The following KATNAL1 variants were observed in gnomAD, a reference collection of about 807,000 sequenced individuals.
KATNAL1 encodes katanin catalytic subunit A1 like 1, also known as katanin p60 ATPase-containing subunit A-like 1.
A neutral mutation model predicts 55.2 loss-of-function variants in KATNAL1; 32 were observed. The ratio of observed to expected loss-of-function variants is 0.58; its 90% confidence interval spans 0.44 to 0.78. The LOEUF (loss-of-function observed/expected upper bound fraction) is 0.78. KATNAL1 is among the 30% of genes least tolerant of loss of function. The pLI, the probability that KATNAL1 is intolerant of heterozygous loss-of-function variation, is 0.00. For missense variants in KATNAL1, 466 were observed against 600.9 expected, an observed-to-expected ratio of 0.78 and a Z score of 2.35; for synonymous variants, 193 against 193.6, an observed-to-expected ratio of 1.00 and a Z score of 0.02.
intron 4 of KATNAL1, among the ~76,000 whole-genome samples, chr13:30,244,751 T>TA (rs1877616187): frequency 6.6e-6 from 1 of 152,004 alleles, no homozygotes. Flanking sequence ...CAAACTACCA[T>TA]CAGAGAATAC....
intron 1 of KATNAL1, among the ~76,000 whole-genome samples, chr13:30,290,726 A>C (rs1882079426): frequency 6.6e-6 from 1 of 152,166 alleles, no homozygotes; most frequent in Non-Finnish European, 1.5e-5. Flanking sequence ...CAATATGTAA[A>C]ATAGATAATG....
At chr13:30,247,560 T>C (rs551322964) in intron 4 of KATNAL1, among the ~76,000 whole-genome samples, 1 of 152,226 alleles carries the variant, frequency 6.6e-6, no homozygotes, top group South Asian at 2.1e-4. Context: ...AAGTAAAATA[T>C]ATAGTAAAAC....
At chr13:30,277,922 G>T (rs536252335) in intron 3 of KATNAL1, among the ~76,000 whole-genome samples, 1 of 141,030 alleles carries the variant, frequency 7.1e-6, no homozygotes, top group East Asian at 2.1e-4. Flanking sequence ...GGCGGAGCTT[G>T]CAGTGAGCCG....
At chr13:30,215,012 A>G (rs1254800930) in intron 9 of KATNAL1, among the ~76,000 whole-genome samples, 3 of 152,000 alleles carry the variant, frequency 2.0e-5, no homozygotes. Flanking sequence ...GAAAATTTTC[A>G]CAACCTACTC....
intron 1 of KATNAL1, among the ~76,000 whole-genome samples, chr13:30,304,461 G>C (rs184746069): frequency 8.6e-5 from 13 of 151,916 alleles, no homozygotes; most frequent in Non-Finnish European, 1.3e-4. Context: ...GGAGAAACGA[G>C]GTTTCACCAT....
chr13:30,248,832 G>A (rs1048360875), intron 4 of KATNAL1, among the ~76,000 whole-genome samples: 3 of 152,134 alleles, frequency 2.0e-5, no homozygotes, highest in African/African-American at 7.2e-5. Context: ...GGCCGAGACG[G>A]GTGGATCACG....
chr13:30,235,144 C>G (rs1370412832), intron 6 of KATNAL1, among the ~76,000 whole-genome samples: 1 of 152,188 alleles, frequency 6.6e-6, no homozygotes, highest in East Asian at 1.9e-4. Context: ...GTGTATTTCT[C>G]TCAGTCCATT....
In KATNAL1 at chr13:30,204,213, T is replaced by C. The variant is rs1443394974; in HGVS notation, c.*4327A>G. On this transcript the variant is annotated 3_prime_UTR_variant, in exon 11 of 11. Coordinates refer to ENST00000380615, the MANE Select transcript of KATNAL1 (RefSeq NM_032116.5). ...GATTTTTTCCTCATACAAGTTAAGG[T>C]GGCCTTTTCTTGGAAAAGGCCAGCA... The C allele has an allele frequency of 2.6e-5, 4 of 152,172 alleles. No individual in the cohort carries two copies. Among genetic ancestry groups the C allele is most frequent in the Non-Finnish European group, 4.4e-5 (3 of 68,018 alleles). 9.4% of individuals were successfully genotyped at this position (152,172 alleles called of 1,614,324 possible).
intron 1 of KATNAL1, among the ~76,000 whole-genome samples, chr13:30,291,339 A>C (rs558866455): frequency 6.6e-6 from 1 of 152,358 alleles, no homozygotes; most frequent in South Asian, 2.1e-4. Flanking sequence ...AAAATATTAA[A>C]TATTCAGGGA....
intron 1 of KATNAL1, among the ~76,000 whole-genome samples, chr13:30,304,053 T>G (rs1285587979): frequency 6.6e-6 from 1 of 152,170 alleles, no homozygotes; most frequent in Non-Finnish European, 1.5e-5. Flanking sequence ...CAAAATCAAA[T>G]AAATAGTATT....
Position 30,210,386 on chromosome 13 carries a change from C to T in KATNAL1, c.1204G>A (p.Asp402Asn). 1 of 1,608,236 alleles carries T rather than the reference C, an allele frequency of 6.2e-7. No homozygotes were observed. The highest frequency in any genetic ancestry group is 8.5e-7 in the Non-Finnish European group (1 of 1,177,536). ...TCGGCTATATCTTCCAGTTGAATATCAGGATCTAATTCGACCTCACGAAGG... is the reference window on the plus strand; with the variant it reads ...TCGGCTATATCTTCCAGTTGAATATTAGGATCTAATTCGACCTCACGAAGG... The part of the protein sequence containing the change: ...INLREVELDP[D>N]IQLEDIAEKI... Residue 402 changes from aspartate (D) to asparagine (N), a missense_variant, in exon 10 of 11, where the codon GAT (aspartate) becomes AAT (asparagine). Transcript: ENST00000380615.
intron 9 of KATNAL1, among the ~76,000 whole-genome samples, chr13:30,220,392 T>C (rs541693808): frequency 6.6e-6 from 1 of 151,116 alleles, no homozygotes; most frequent in Non-Finnish European, 1.5e-5. Flanking sequence ...ATGCGGGAGG[T>C]GGAGATTGCA....
intron 3 of KATNAL1, among the ~76,000 whole-genome samples, chr13:30,275,844 G>T (rs938234601): frequency 1.3e-5 from 2 of 151,670 alleles, no homozygotes; most frequent in African/African-American, 4.8e-5. Context: ...ATTTTTAATT[G>T]TCAATTATAC....
chr13:30,263,517 C>A (rs1879485320), intron 3 of KATNAL1, among the ~76,000 whole-genome samples: 1 of 152,006 alleles, frequency 6.6e-6, no homozygotes, highest in Non-Finnish European at 1.5e-5. Flanking sequence ...GCAACTTCAG[C>A]AAAGTCTCAG....
chr13:30,226,255 C>G lies in KATNAL1; in HGVS notation c.1147+1157G>C, dbSNP rs142971423. On this transcript the variant is annotated intron_variant, in intron 9 of 10. Transcript: ENST00000380615. ...AGCTAAACATATGCCTACCCTATGA[C>G]CCATCTTTTCTTTTCTTATATTATC... Among the ~76,000 whole-genome samples the G allele has an allele frequency of 2.0e-4, 31 of 152,292 alleles. No homozygotes were observed. In the East Asian group the frequency reaches 5.6e-3, roughly 27 times the overall value.
At position 30,259,343 on chromosome 13, in the gene KATNAL1, G is replaced by GA. The variant is rs539679658; in HGVS notation, c.324-3729dup. ...CCACACAGCAAGGCTCCATCTCAAAGAAAAAAAAAAAAGTGGGGGGAGGAG... is the reference window on the plus strand; with the variant it reads ...CCACACAGCAAGGCTCCATCTCAAAGAAAAAAAAAAAAAGTGGGGGGAGGAG... On this transcript the variant is annotated intron_variant, in intron 3 of 10. Coordinates refer to ENST00000380615, the MANE Select transcript of KATNAL1 (RefSeq NM_032116.5). Among the ~76,000 whole-genome samples the GA allele has an allele frequency of 5.2e-3, 746 of 142,556 alleles. 3 individuals are homozygous for GA. Among genetic ancestry groups the GA allele is most frequent in the African/African-American group, 9.1e-3 (355 of 39,214 alleles). 93.5% of individuals were successfully genotyped at this position (142,556 alleles called of 152,430 possible).
intron 1 of KATNAL1, chr13:30,296,677 G>A: frequency 1.5e-6 from 1 of 653,062 alleles, no homozygotes; most frequent in South Asian, 1.4e-5. Flanking sequence ...AAGCTTGGCA[G>A]TGACACAATT....
chr13:30,250,283 T>C (rs1878175372), intron 4 of KATNAL1, among the ~76,000 whole-genome samples: 1 of 152,238 alleles, frequency 6.6e-6, no homozygotes, highest in African/African-American at 2.4e-5. Flanking sequence ...ATTTTTGCTG[T>C]TGTTACACTG....
At chr13:30,240,166 T>C (rs1447167791) in intron 6 of KATNAL1, among the ~76,000 whole-genome samples, 1 of 152,228 alleles carries the variant, frequency 6.6e-6, no homozygotes, top group East Asian at 1.9e-4. Context: ...TCTGCTTAAC[T>C]TTTTATTTAT....
Sources: gnomAD v4.1 joint callset for allele counts (sites outside exome capture counted in the v4.1 genomes callset) on GRCh38, gnomAD v4.1.1 for gene constraint, MANE v1.5 for transcripts, NCBI Gene and HGNC (gene_info 2026-07-23, HGNC 2026-07-21) for gene names.